The following C10orf90 variants were observed in gnomAD, a reference collection of about 807,000 sequenced individuals.
The protein encoded by C10orf90 is chromosome 10 open reading frame 90.
Under a neutral mutation model 62.5 loss-of-function variants are expected in C10orf90, and 56 were observed. The observed-to-expected ratio is 0.90, with a 90% CI of 0.72 to 1.12. The LOEUF (loss-of-function observed/expected upper bound fraction) is 1.12. Among genes scored for constraint, C10orf90 ranks in the 50% most tolerant of loss-of-function variants. The pLI, the probability that C10orf90 is intolerant of heterozygous loss-of-function variation, is 0.00. For synonymous variants in C10orf90, 386 were observed against 340.4 expected, an observed-to-expected ratio of 1.13 and a Z score of -1.47; for missense variants, 970 against 880.4, an observed-to-expected ratio of 1.10 and a Z score of -1.29.
intron 1 of C10orf90, among the ~76,000 whole-genome samples, chr10:126,650,878 T>G (rs1207868079): frequency 3.9e-5 from 6 of 152,124 alleles, no homozygotes; most frequent in African/African-American, 1.4e-4. Context: ...GGTCCAGCCT[T>G]CCTTCCACCC....
At chr10:126,532,531 G>A (rs930536332) in intron 2 of C10orf90, among the ~76,000 whole-genome samples, 6 of 151,906 alleles carry the variant, frequency 3.9e-5, no homozygotes, top group African/African-American at 1.5e-4. Flanking sequence ...AGTAAGGTTT[G>A]GACTCATATA....
At chr10:126,477,350 C>G (rs1024275277) in intron 4 of C10orf90, among the ~76,000 whole-genome samples, 1 of 151,316 alleles carries the variant, frequency 6.6e-6, no homozygotes, top group Non-Finnish European at 1.5e-5. Context: ...TTTCATTGGG[C>G]TTTTAAACCT....
intron 2 of C10orf90, among the ~76,000 whole-genome samples, chr10:126,560,408 C>T (rs772657371): frequency 2.3e-4 from 35 of 152,290 alleles, no homozygotes; most frequent in Middle Eastern, 3.4e-3. Flanking sequence ...GCTGCCGACG[C>T]GCACGGTGCA....
In C10orf90 at chr10:126,565,759, T is replaced by A. The variant is rs139551678; in HGVS notation, c.314-51820A>T. 7.3e-3 allele frequency among the ~76,000 whole-genome samples: 1,108 copies of A among 152,226 alleles called. 8 individuals are homozygous for A. The highest frequency in any genetic ancestry group is 0.023 in the African/African-American group (956 of 41,550). ...GGAGCAGAGTCTCATCAGCCTTTGA[T>A]GTGGCCCAGTGGCCACATTCCTCTC... On this transcript the variant is annotated intron_variant, in intron 2 of 9. Transcript: ENST00000488181.
chr10:126,596,076 A>G (rs1487345219), intron 2 of C10orf90, among the ~76,000 whole-genome samples: 1 of 151,876 alleles, frequency 6.6e-6, no homozygotes, highest in Non-Finnish European at 1.5e-5. Flanking sequence ...TGCCAAAACT[A>G]CTAACCATGA....
Position 126,461,502 on chromosome 10 carries a change from C to G in C10orf90, c.1909G>C (p.Ala637Pro), listed in dbSNP as rs1322152559. ...TCGCGGGGTGCTGGCGAGGGTGCTG[C>G]TGGGGAGGGCTCAGGTGTGGTGGGG... is the stretch of plus-strand genomic sequence containing the variant. ...EDPTTPEPSP[A>P]APSPAPRDGA... Residue 637 changes from alanine (A) to proline (P), a missense_variant, in exon 6 of 10, where the codon GCA (alanine) becomes CCA (proline). Ala to Pro is a conservative substitution (Grantham distance 27, BLOSUM62 -1). Transcript: ENST00000488181. The G allele has an allele frequency of 6.2e-7, 1 of 1,613,986 alleles. No homozygotes were observed. Among genetic ancestry groups the G allele is most frequent in the Non-Finnish European group, 8.5e-7 (1 of 1,179,980 alleles).
chr10:126,510,431 A>G (rs943900973), intron 3 of C10orf90, among the ~76,000 whole-genome samples: 1 of 152,256 alleles, frequency 6.6e-6, no homozygotes, highest in Admixed American at 6.5e-5. Context: ...TCAGGGTGAC[A>G]TTCCATCCTC....
chr10:126,598,040 G>A, intron 2 of C10orf90, among the ~76,000 whole-genome samples: 1 of 152,126 alleles, frequency 6.6e-6, no homozygotes, highest in African/African-American at 2.4e-5. Context: ...AATGCCTCGT[G>A]GGCATCCAGA....
chr10:126,536,568 G>T (rs1310713941), intron 2 of C10orf90, among the ~76,000 whole-genome samples: 1 of 152,074 alleles, frequency 6.6e-6, no homozygotes, highest in Non-Finnish European at 1.5e-5. Flanking sequence ...CAGACTGCCT[G>T]ACTCCAGACC....
chr10:126,589,790 A>G (rs1208888394), intron 2 of C10orf90, among the ~76,000 whole-genome samples: 2 of 152,238 alleles, frequency 1.3e-5, no homozygotes, highest in South Asian at 2.1e-4. Flanking sequence ...AAGCAACCAC[A>G]TAAACAAGTC....
intron 2 of C10orf90, among the ~76,000 whole-genome samples, chr10:126,637,427 C>T (rs989518063): frequency 6.6e-6 from 1 of 152,242 alleles, no homozygotes; most frequent in Admixed American, 6.5e-5. Context: ...TGCTTAGGCA[C>T]AGCACTGAGA....
At chr10:126,518,839 C>T (rs758821493) in intron 2 of C10orf90, among the ~76,000 whole-genome samples, 141 of 152,272 alleles carry the variant, frequency 9.3e-4, no homozygotes, top group Non-Finnish European at 1.7e-3. Flanking sequence ...CTACAACCAC[C>T]ATGACTGAAC....
chr10:126,470,577 A>AAACAAACAAACAAAC (rs1564815589), intron 4 of C10orf90, among the ~76,000 whole-genome samples: 3 of 149,912 alleles, frequency 2.0e-5, no homozygotes, highest in African/African-American at 7.4e-5. Flanking sequence ...TAAAAACTAA[A>AAACAAACAAACAAAC]AAACAAACAA....
At chr10:126,548,658 C>A (rs1332775291) in intron 2 of C10orf90, among the ~76,000 whole-genome samples, 1 of 152,142 alleles carries the variant, frequency 6.6e-6, no homozygotes, top group African/African-American at 2.4e-5. Flanking sequence ...AGCCACTGCG[C>A]CCGGCCGCAA....
intron 7 of C10orf90, among the ~76,000 whole-genome samples, chr10:126,446,781 G>A (rs1858813621): frequency 1.3e-5 from 2 of 152,072 alleles, no homozygotes; most frequent in Admixed American, 1.3e-4. Context: ...ATCTCTAGTA[G>A]AAAGGTTAAG....
intron 2 of C10orf90, among the ~76,000 whole-genome samples, chr10:126,576,927 T>C (rs1203066247): frequency 1.3e-5 from 2 of 151,088 alleles, no homozygotes; most frequent in Admixed American, 1.3e-4. Context: ...TTCTCACTCA[T>C]GTGTGGAGGC....
At chr10:126,460,859 T>G (rs1432960211) in intron 6 of C10orf90, among the ~76,000 whole-genome samples, 1 of 152,248 alleles carries the variant, frequency 6.6e-6, no homozygotes, top group Non-Finnish European at 1.5e-5. Context: ...CCTCTGAGGT[T>G]GTTTGCCTTC....
chr10:126,565,743 T>C (rs1373883285), intron 2 of C10orf90, among the ~76,000 whole-genome samples: 1 of 151,716 alleles, frequency 6.6e-6, no homozygotes, highest in Non-Finnish European at 1.5e-5. Context: ...GGGAGCAGAG[T>C]CTCATCAGCC....
intron 4 of C10orf90, among the ~76,000 whole-genome samples, chr10:126,472,611 C>G (rs1860638102): frequency 6.6e-6 from 1 of 152,134 alleles, no homozygotes; most frequent in East Asian, 1.9e-4. Flanking sequence ...ATGTCTCCTC[C>G]CATTCTTGCT....
Sources: gnomAD v4.1 joint callset for allele counts (sites outside exome capture counted in the v4.1 genomes callset) on GRCh38, gnomAD v4.1.1 for gene constraint, MANE v1.5 for transcripts, NCBI Gene and HGNC (gene_info 2026-07-23, HGNC 2026-07-21) for gene names.